The following WWOX variants were observed in gnomAD, a reference collection of about 807,000 sequenced individuals.
WWOX encodes WW domain-containing oxidoreductase.
Under a neutral mutation model 46.2 loss-of-function variants are expected in WWOX, and 69 were observed. The observed-to-expected ratio is 1.49, with a 90% confidence interval of 1.23 to 1.82. The LOEUF (loss-of-function observed/expected upper bound fraction) is 1.82, where lower values mean the gene tolerates loss of function less well. Ranked by LOEUF, WWOX falls within the 40% of genes most tolerant of loss-of-function variation. The pLI is 0.00. For missense variants in WWOX, 919 were observed against 542.6 expected, an observed-to-expected ratio of 1.69 and a Z score of -6.89; for synonymous variants, 359 against 202.6, an observed-to-expected ratio of 1.77 and a Z score of -6.56.
At chr16:78,295,402 C>T (rs1325489574) in intron 5 of WWOX, among the ~76,000 whole-genome samples, 1 of 152,130 alleles carries the variant, frequency 6.6e-6, no homozygotes, top group Non-Finnish European at 1.5e-5. Context: ...TGGCTGTTTA[C>T]ATTATCAGAA....
intron 8 of WWOX, among the ~76,000 whole-genome samples, chr16:78,456,073 C>G (rs1054651229): frequency 2.6e-5 from 4 of 152,122 alleles, no homozygotes; most frequent in Non-Finnish European, 5.9e-5. Flanking sequence ...GTGGACAAGG[C>G]TATGTAACTA....
At chr16:78,516,226 A>G (rs535514251) in intron 8 of WWOX, among the ~76,000 whole-genome samples, 58 of 152,204 alleles carry the variant, frequency 3.8e-4, no homozygotes, top group African/African-American at 1.1e-3. Flanking sequence ...GAGCTCTTCC[A>G]TCCTTAAACA....
At chr16:78,792,656 A>C (rs909922985) in intron 8 of WWOX, among the ~76,000 whole-genome samples, 3 of 152,290 alleles carry the variant, frequency 2.0e-5, no homozygotes, top group African/African-American at 4.8e-5. Flanking sequence ...AGGAAAGAGG[A>C]AGGATACCTT....
Position 79,212,627 on chromosome 16 carries a change from C to G in WWOX, c.*831C>G, listed in dbSNP as rs932713847. ...ATTGTACTTAAACCTCCTGCTGTGC[C>G]TCGCATCCTATGCTTAATAAAAGAA... On this transcript the variant is annotated 3_prime_UTR_variant, in exon 9 of 9. Coordinates refer to ENST00000566780, the MANE Select transcript of WWOX (RefSeq NM_016373.4). 6.4e-5 allele frequency: 10 copies of G among 155,370 alleles called. No individual in the cohort carries two copies. Among genetic ancestry groups the G allele is most frequent in the African/African-American group, 2.4e-4 (10 of 41,468 alleles). The allele number at this position is 155,370 out of a possible 1,614,324, so 9.6% of individuals were successfully genotyped here. A position where few individuals can be genotyped will look rare whatever the true frequency, so the allele number is the denominator to read the frequency against.
chr16:78,514,723 C>T (rs1597195795), intron 8 of WWOX, among the ~76,000 whole-genome samples: 1 of 152,258 alleles, frequency 6.6e-6, no homozygotes, highest in East Asian at 1.9e-4. Flanking sequence ...ACAGTATGTA[C>T]AGGGTGGTTT....
intron 8 of WWOX, among the ~76,000 whole-genome samples, chr16:78,648,107 ATCAG>A (rs1176736651): frequency 2.6e-5 from 4 of 152,356 alleles, no homozygotes; most frequent in South Asian, 2.1e-4. Flanking sequence ...CAGAGAGAAA[ATCAG>A]TCAGACAGGA....
At chr16:78,385,903 G>A (rs764179296) in intron 5 of WWOX, among the ~76,000 whole-genome samples, 4 of 152,190 alleles carry the variant, frequency 2.6e-5, no homozygotes, top group Non-Finnish European at 5.9e-5. Flanking sequence ...GCACTCCGAA[G>A]CGCACCCAGA....
intron 8 of WWOX, among the ~76,000 whole-genome samples, chr16:78,473,825 C>G (rs1023756200): frequency 1.3e-5 from 2 of 152,132 alleles, no homozygotes; most frequent in African/African-American, 2.4e-5. Flanking sequence ...CTAAGATGAT[C>G]CAGCTGTTGC....
At chr16:78,271,618 C>T (rs866946244) in intron 5 of WWOX, among the ~76,000 whole-genome samples, 1 of 152,204 alleles carries the variant, frequency 6.6e-6, no homozygotes, top group African/African-American at 2.4e-5. Flanking sequence ...TGCTTGTTCA[C>T]CCCAGTGAGG....
At chr16:78,261,402 C>G (rs1473857797) in intron 5 of WWOX, among the ~76,000 whole-genome samples, 2 of 95,452 alleles carry the variant, frequency 2.1e-5, no homozygotes, top group Non-Finnish European at 4.2e-5. Flanking sequence ...AAGACCCTGT[C>G]TCTAAAAATA....
chr16:78,769,864 A>AAAAAAT (rs1168820187), intron 8 of WWOX, among the ~76,000 whole-genome samples: 1 of 151,432 alleles, frequency 6.6e-6, no homozygotes, highest in Non-Finnish European at 1.5e-5. Flanking sequence ...AAATAAAATA[A>AAAAAAT]AAAAATAAAA....
chr16:78,912,022 A>G (rs567652530), intron 8 of WWOX, among the ~76,000 whole-genome samples: 8 of 152,184 alleles, frequency 5.3e-5, no homozygotes, highest in Non-Finnish European at 2.9e-5. Context: ...AGTCCAGTAT[A>G]TTGGCCTCCA....
At chr16:79,033,474 C>T (rs2047805843) in intron 8 of WWOX, among the ~76,000 whole-genome samples, 1 of 151,830 alleles carries the variant, frequency 6.6e-6, no homozygotes, top group South Asian at 2.1e-4. Flanking sequence ...ATTTTTTATA[C>T]TGGTTTTAGG....
chr16:78,497,139 T>C (rs1465662111), intron 8 of WWOX, among the ~76,000 whole-genome samples: 1 of 152,216 alleles, frequency 6.6e-6, no homozygotes, highest in African/African-American at 2.4e-5. Flanking sequence ...GTTAGGTGTA[T>C]GTCTGCTCAT....
At chr16:79,151,660 G>A (rs1451130422) in intron 8 of WWOX, among the ~76,000 whole-genome samples, 1 of 147,512 alleles carries the variant, frequency 6.8e-6, no homozygotes, top group African/African-American at 2.6e-5. Context: ...CAGATCAGGG[G>A]TGCTAGAGGA....
At chr16:78,529,616 G>T (rs1222429128) in intron 8 of WWOX, among the ~76,000 whole-genome samples, 1 of 152,022 alleles carries the variant, frequency 6.6e-6, no homozygotes, top group Non-Finnish European at 1.5e-5. Context: ...ACAGGTGCAT[G>T]CCATCACACC....
intron 8 of WWOX, among the ~76,000 whole-genome samples, chr16:79,056,144 C>T (rs1030126083): frequency 2.0e-5 from 3 of 151,564 alleles, no homozygotes; most frequent in Admixed American, 2.0e-4. Context: ...CAGCCATCAG[C>T]ACCTCCCTGT....
intron 1 of WWOX, 118 bp downstream of exon 1, chr16:78,100,003 A>G (rs1597190218): frequency 4.7e-6 from 7 of 1,493,152 alleles, no homozygotes; most frequent in Non-Finnish European, 1.8e-6. Context: ...AGTGAAAGTA[A>G]CTGTTAAGGA....
At chr16:78,700,368 C>G (rs1347700333) in intron 8 of WWOX, among the ~76,000 whole-genome samples, 2 of 146,878 alleles carry the variant, frequency 1.4e-5, no homozygotes, top group Admixed American at 6.7e-5. Flanking sequence ...GAGACCATCT[C>G]TCTTGTGTGT....
Sources: gnomAD v4.1 joint callset for allele counts (sites outside exome capture counted in the v4.1 genomes callset) on GRCh38, gnomAD v4.1.1 for gene constraint, MANE v1.5 for transcripts, NCBI Gene and HGNC (gene_info 2026-07-23, HGNC 2026-07-21) for gene names.